The following KRABD5 variants were observed in gnomAD, a reference collection of about 807,000 sequenced individuals.
KRABD5 encodes the protein KRAB domain containing 5.
At chr16:31,716,172 G>A in the KRABD5 span, among the ~76,000 whole-genome samples, 2 of 152,098 alleles carry the variant, frequency 1.3e-5, no homozygotes, top group Non-Finnish European at 2.9e-5. Context: ...CTTGCCCCCA[G>A]ACCCTGAAAC....
At chr16:31,754,800 G>A in the KRABD5 span, 1 of 467,536 alleles carries the variant, frequency 2.1e-6, no homozygotes, top group Admixed American at 2.4e-5. Flanking sequence ...CCTTACAAAT[G>A]TAAAGAATGT....
At chr16:31,741,158 C>A in the KRABD5 span, among the ~76,000 whole-genome samples, 2 of 152,220 alleles carry the variant, frequency 1.3e-5, no homozygotes, top group East Asian at 3.9e-4. Flanking sequence ...TTTTTTATGG[C>A]TGCATAGTAT....
the KRABD5 span, among the ~76,000 whole-genome samples, chr16:31,745,589 A>G: frequency 2.8e-3 from 428 of 152,268 alleles, 5 homozygotes; most frequent in Non-Finnish European, 5.2e-3. Context: ...AGAAGAATGT[A>G]TATTCTGTTG....
chr16:31,713,717 T>G, the KRABD5 span, among the ~76,000 whole-genome samples: 1 of 151,776 alleles, frequency 6.6e-6, no homozygotes, highest in African/African-American at 2.4e-5. Context: ...AACGTGAGGG[T>G]CTTAGGGGAA....
the KRABD5 span, chr16:31,713,341 TTCTGAG>T: frequency 1.3e-6 from 2 of 1,547,306 alleles, no homozygotes; most frequent in Admixed American, 3.8e-5. Context: ...CGGCTTCGCG[TTCTGAG>T]AATAGACAGA....
chr16:31,713,464 A>C, the KRABD5 span: 1 of 1,599,146 alleles, frequency 6.3e-7, no homozygotes, highest in South Asian at 1.1e-5. Context: ...GGGTCCCCAG[A>C]AGAGGGAGAG....
At chr16:31,727,488 A>G in the KRABD5 span, among the ~76,000 whole-genome samples, 2 of 152,236 alleles carry the variant, frequency 1.3e-5, no homozygotes, top group African/African-American at 4.8e-5. Flanking sequence ...TTCTGCAGTC[A>G]TGTACTTATA....
At chr16:31,742,694 GTCAAA>G in the KRABD5 span, among the ~76,000 whole-genome samples, 1 of 152,160 alleles carries the variant, frequency 6.6e-6, no homozygotes, top group African/African-American at 2.4e-5. Context: ...GGATTGCTGG[GTCAAA>G]TAGTGTTTCT....
At chr16:31,730,934 T>G in the KRABD5 span, among the ~76,000 whole-genome samples, 564 of 152,326 alleles carry the variant, frequency 3.7e-3, 4 homozygotes, top group Non-Finnish European at 6.2e-3. Flanking sequence ...GTTCAAGTAT[T>G]GTATTATAAA....
At chr16:31,715,752 G>C in the KRABD5 span, among the ~76,000 whole-genome samples, 16 of 152,234 alleles carry the variant, frequency 1.1e-4, no homozygotes, top group Middle Eastern at 3.4e-3. Flanking sequence ...TGGACAACCA[G>C]TTGGTGTTGG....
At chr16:31,724,712 A>AG in the KRABD5 span, among the ~76,000 whole-genome samples, 1 of 151,428 alleles carries the variant, frequency 6.6e-6, no homozygotes, top group African/African-American at 2.4e-5. Context: ...AAGAAAAAAA[A>AG]AAAAGATCTA....
At chr16:31,713,458 C>T in the KRABD5 span, 1 of 1,600,780 alleles carries the variant, frequency 6.2e-7, no homozygotes, top group Non-Finnish European at 8.5e-7. Flanking sequence ...GGTCGGGGGT[C>T]CCCAGAAGAG....
At chr16:31,730,116 T>C in the KRABD5 span, among the ~76,000 whole-genome samples, 1 of 152,172 alleles carries the variant, frequency 6.6e-6, no homozygotes, top group Non-Finnish European at 1.5e-5. Flanking sequence ...TCCAGTGATG[T>C]TTGTAGTTTT....
At chr16:31,739,609 T>C in the KRABD5 span, among the ~76,000 whole-genome samples, 1 of 152,180 alleles carries the variant, frequency 6.6e-6, no homozygotes, top group Non-Finnish European at 1.5e-5. Context: ...ATTTGGAAAA[T>C]TCTCAGCCAT....
the KRABD5 span, among the ~76,000 whole-genome samples, chr16:31,747,218 C>T: frequency 1.4e-4 from 21 of 148,430 alleles, no homozygotes; most frequent in Non-Finnish European, 2.1e-4. Flanking sequence ...TCAATTCCCA[C>T]CTATGAGTGA....
the KRABD5 span, among the ~76,000 whole-genome samples, chr16:31,725,449 G>A: frequency 6.6e-6 from 1 of 152,292 alleles, no homozygotes; most frequent in Admixed American, 6.5e-5. Context: ...ATACTTAGAA[G>A]TGGAATTGAG....
At chr16:31,758,774 C>CAA in the KRABD5 span, 43 of 94,632 alleles carry the variant, frequency 4.5e-4, no homozygotes, top group Middle Eastern at 7.9e-3. Flanking sequence ...AACTCTGTCT[C>CAA]AAAAAAAAAA....
At chr16:31,727,650 AT>A in the KRABD5 span, among the ~76,000 whole-genome samples, 1 of 151,980 alleles carries the variant, frequency 6.6e-6, no homozygotes, top group East Asian at 1.9e-4. Context: ...TTCTCATTGG[AT>A]TTTTTTATAA....
chr16:31,755,714 C>T, the KRABD5 span: 1 of 394,812 alleles, frequency 2.5e-6, no homozygotes, highest in Non-Finnish European at 5.0e-6. Context: ...TAGAGAATTT[C>T]TATAGTTGTA....
Sources: allele counts gnomAD v4.1 joint callset (sites outside exome capture counted in the v4.1 genomes callset), GRCh38; gene constraint gnomAD v4.1.1; transcripts MANE v1.5; gene names NCBI Gene and HGNC (gene_info 2026-07-23, HGNC 2026-07-21).